Variants in IGF1R observed in about 807,000 individuals in gnomAD.
The protein encoded by IGF1R is insulin-like growth factor 1 receptor.
In IGF1R, 44 loss-of-function variants were observed where a neutral mutation model predicts 144.6. The ratio of observed to expected loss-of-function variants is 0.30; its 90% confidence interval spans 0.24 to 0.39. The LOEUF is 0.39. Ranked by LOEUF, IGF1R falls within the 10% of genes least tolerant of loss-of-function variation. The pLI, the probability that IGF1R is intolerant of heterozygous loss-of-function variation, is 1.00. For synonymous variants in IGF1R, 795 were observed against 722.8 expected (o/e 1.10, Z -1.60); for missense variants, 1,355 against 1,833.7 (o/e 0.74, Z 4.77).
intron 2 of IGF1R, among the ~76,000 whole-genome samples, chr15:98,765,274 ATC>A (rs1055374604): frequency 2.2e-5 from 3 of 139,512 alleles, no homozygotes; most frequent in African/African-American, 5.3e-5. Context: ...CTTAATGTAT[ATC>A]TCTCTCTCTC....
intron 1 of IGF1R, among the ~76,000 whole-genome samples, chr15:98,655,934 C>T (rs1401585082): frequency 6.6e-6 from 1 of 152,192 alleles, no homozygotes; most frequent in Non-Finnish European, 1.5e-5. Context: ...CTCAAGCGAT[C>T]CACTCACCTC....
chr15:98,797,525 G>C (rs1465236876), intron 2 of IGF1R, among the ~76,000 whole-genome samples: 1 of 152,200 alleles, frequency 6.6e-6, no homozygotes, highest in African/African-American at 2.4e-5. Flanking sequence ...GTCAGATGGA[G>C]AGCTCTTCAT....
intron 20 of IGF1R, chr15:98,954,156 C>T (rs2016887087): frequency 6.6e-6 from 1 of 152,274 alleles, no homozygotes; most frequent in African/African-American, 2.4e-5. Context: ...CTGTCCAGTT[C>T]AGGACATCAG....
intron 4 of IGF1R, 122 bp downstream of exon 4, chr15:98,897,027 T>A: frequency 1.1e-6 from 1 of 880,390 alleles, no homozygotes; most frequent in Non-Finnish European, 1.8e-6. Context: ...ACATGGTGTG[T>A]AAGCCTCACG....
chr15:98,847,464 T>C (rs2011376701), intron 2 of IGF1R, among the ~76,000 whole-genome samples: 1 of 152,214 alleles, frequency 6.6e-6, no homozygotes, highest in African/African-American at 2.4e-5. Flanking sequence ...TTGAATCTGC[T>C]TTCTACCACT....
At chr15:98,762,223 C>A (rs879686526) in intron 2 of IGF1R, among the ~76,000 whole-genome samples, 8,363 of 136,274 alleles carry the variant, frequency 0.061, 282 homozygotes, top group East Asian at 0.13. Context: ...TTTGATTTTT[C>A]TTTTCTTTTC....
intron 1 of IGF1R, among the ~76,000 whole-genome samples, chr15:98,665,378 C>A (rs775119365): frequency 6.6e-6 from 1 of 152,192 alleles, no homozygotes; most frequent in Non-Finnish European, 1.5e-5. Flanking sequence ...GAAGCATCCT[C>A]CTCCAGTAAG....
chr15:98,693,967 T>C, intron 1 of IGF1R, among the ~76,000 whole-genome samples: 1 of 152,190 alleles, frequency 6.6e-6, no homozygotes, highest in East Asian at 1.9e-4. Flanking sequence ...GCTGTACTTG[T>C]GCTATCCTAA....
rs2011169771 is a variant in IGF1R at position 98,841,267 on chromosome 15, A to G, written c.641-50058A>G. On this transcript the variant is annotated intron_variant, in intron 2 of 20. Transcript: ENST00000650285. ...AACTCCATGGAGATGAGCTACAAAA[A>G]AAAATACTGATTGGGTTCAAATCCT... 2.6e-5 allele frequency among the ~76,000 whole-genome samples: 4 copies of G among 152,208 alleles called. No individual in the cohort carries two copies. The South Asian group carries it at 8.3e-4, about 31-fold the overall frequency.
chr15:98,923,980 A>G lies in IGF1R; in HGVS notation c.2590A>G (p.Met864Val). The G allele has an allele frequency of 6.2e-7, 1 of 1,614,134 alleles. No individual in the cohort carries two copies. The highest frequency in any genetic ancestry group is 8.5e-7 in the Non-Finnish European group (1 of 1,179,956). The change falls in exon 12 of 21, where the codon ATG becomes GTG. Residue 864 changes from methionine (M) to valine (V), a missense_variant. Coordinates refer to ENST00000650285, the MANE Select transcript of IGF1R (RefSeq NM_000875.5). Reference protein sequence around the residue: ...EPENPNGLILMYEIKYGSQVE... With the variant: ...EPENPNGLILVYEIKYGSQVE... ...TGAGAATCCCAATGGATTGATTCTA[A>G]TGTATGAAATAAAATACGGATCACA...
At chr15:98,679,471 A>G (rs771589007) in intron 1 of IGF1R, among the ~76,000 whole-genome samples, 1 of 152,170 alleles carries the variant, frequency 6.6e-6, no homozygotes, top group Non-Finnish European at 1.5e-5. Flanking sequence ...CAGTAGTCCC[A>G]TGAGATTATA....
At chr15:98,937,433 C>T (rs1356349358) in intron 17 of IGF1R, among the ~76,000 whole-genome samples, 1 of 152,160 alleles carries the variant, frequency 6.6e-6, no homozygotes, top group Admixed American at 6.5e-5. Flanking sequence ...GCCTCAGTGT[C>T]CTCAATATAA....
chr15:98,768,367 A>G (rs1397204501), intron 2 of IGF1R, among the ~76,000 whole-genome samples: 1 of 152,166 alleles, frequency 6.6e-6, no homozygotes, highest in Non-Finnish European at 1.5e-5. Context: ...CTATAATCCC[A>G]GTACTTTGGG....
intron 14 of IGF1R, 77 bp from the exon 15 acceptor site, chr15:98,930,158 T>C: frequency 1.0e-6 from 1 of 969,552 alleles, no homozygotes; most frequent in African/African-American, 1.6e-5. Flanking sequence ...AATGAAACTG[T>C]TGTAGCGAAG....
In IGF1R at chr15:98,704,115, A is replaced by G. The variant is rs972479537; in HGVS notation, c.95-3447A>G. ...CAGCTGTGATGTGTCTTTTCCACAC[A>G]TGCCCAGATTCCCTCAGACACCTCC... On this transcript the variant is annotated intron_variant, in intron 1 of 20. Coordinates refer to ENST00000650285, the MANE Select transcript of IGF1R (RefSeq NM_000875.5). The surrounding 1 kb of genome is among the most constrained non-coding windows in gnomAD (Gnocchi z 4.9). Among the ~76,000 whole-genome samples the G allele has an allele frequency of 6.6e-6, 1 of 152,342 alleles. No individual in the cohort carries two copies. The highest frequency in any genetic ancestry group is 2.4e-5 in the African/African-American group (1 of 41,588).
At chr15:98,721,916 T>C (rs2054255355) in intron 2 of IGF1R, among the ~76,000 whole-genome samples, 1 of 152,160 alleles carries the variant, frequency 6.6e-6, no homozygotes, top group Admixed American at 6.5e-5. Context: ...TTCTTATTCA[T>C]GTCAGTCCAC....
At chr15:98,937,042 C>T (rs2001545) in intron 17 of IGF1R, among the ~76,000 whole-genome samples, 81,866 of 151,534 alleles carry the variant, frequency 0.54, 23,551 homozygotes, top group South Asian at 0.7. Context: ...TGTACCACCA[C>T]GCCCACCTAA....
Position 98,934,894 on chromosome 15 carries a change from G to A in IGF1R, c.3027G>A (p.Ser1009=), listed in dbSNP as rs914374129. ...TGAGCCGGGAACTTGGGCAGGGGTC[G>A]TTTGGGATGGTCTATGAAGGAGTTG... The part of the protein sequence containing the change: ...ITMSRELGQG[S]FGMVYEGVAK... The change falls in exon 16 of 21, where the codon TCG becomes TCA. Residue 1009 remains serine (S), a synonymous_variant. Transcript: ENST00000650285. The A allele has an allele frequency of 3.7e-6, 6 of 1,614,048 alleles. No individual in the cohort carries two copies. Among genetic ancestry groups the A allele is most frequent in the Non-Finnish European group, 4.2e-6 (5 of 1,180,042 alleles).
intron 2 of IGF1R, among the ~76,000 whole-genome samples, chr15:98,709,777 T>C (rs1251787610): frequency 6.6e-6 from 1 of 152,162 alleles, no homozygotes; most frequent in African/African-American, 2.4e-5. Flanking sequence ...GGTGATCATA[T>C]ATGGGCATGA....
Sources: gnomAD v4.1 joint callset for allele counts (sites outside exome capture counted in the v4.1 genomes callset) on GRCh38, gnomAD v4.1.1 for gene constraint, Gnocchi (gnomAD v3.1) non-coding constraint, MANE v1.5 for transcripts, NCBI Gene and HGNC (gene_info 2026-07-23, HGNC 2026-07-21) for gene names.